SLC35F4: variants seen among roughly 807,000 people sequenced by gnomAD.
The protein encoded by SLC35F4 is solute carrier family 35 member F4, also known as chromosome 14 open reading frame 36.
In SLC35F4, 24 loss-of-function variants were observed where a neutral mutation model predicts 44.2. That is an observed-to-expected ratio of 0.54 (90% CI 0.39 to 0.76). SLC35F4 has a LOEUF of 0.76. SLC35F4 is among the 30% of genes least tolerant of loss of function. The pLI, the probability that SLC35F4 is intolerant of heterozygous loss-of-function variation, is 0.00. For missense variants in SLC35F4, 562 were observed against 586.1 expected (o/e 0.96, Z 0.42); for synonymous variants, 238 against 223.6 (o/e 1.06, Z -0.57).
intron 1 of SLC35F4, among the ~76,000 whole-genome samples, chr14:57,776,323 G>C (rs1232814258): frequency 6.6e-6 from 1 of 152,024 alleles, no homozygotes; most frequent in Non-Finnish European, 1.5e-5. Context: ...TTTACAAGAA[G>C]ATCATCCCCA....
chr14:57,940,169 C>G (rs1889890588), intron 1 of SLC35F4, among the ~76,000 whole-genome samples: 1 of 152,116 alleles, frequency 6.6e-6, no homozygotes, highest in South Asian at 2.1e-4. Context: ...TCTACAGACA[C>G]CCCAGGGTCA....
chr14:57,905,396 A>G (rs1014976532), intron 1 of SLC35F4, among the ~76,000 whole-genome samples: 1 of 152,204 alleles, frequency 6.6e-6, no homozygotes, highest in Non-Finnish European at 1.5e-5. Context: ...TCTATCAGTC[A>G]TAAAGGTCAA....
Position 57,753,613 on chromosome 14 carries a change from G to A in SLC35F4, c.103+112110C>T, listed in dbSNP as rs553307387. On this transcript the variant is annotated intron_variant, in intron 1 of 7. Coordinates refer to ENST00000556826, the MANE Select transcript of SLC35F4 (RefSeq NM_001306087.2). The stretch of plus-strand genomic sequence containing the variant: ...TTTCCCACAACTCTCAAACTTCAGG[G>A]AAACCATGTAAAACTCCCCCTACCC... Among the ~76,000 whole-genome samples the A allele has an allele frequency of 3.9e-5, 6 of 152,218 alleles. No homozygotes were observed. In the East Asian group the frequency reaches 9.6e-4, roughly 24 times the overall value.
chr14:57,730,105 G>A (rs771789191), intron 1 of SLC35F4, among the ~76,000 whole-genome samples: 15 of 152,176 alleles, frequency 9.9e-5, no homozygotes, highest in Non-Finnish European at 2.1e-4. Flanking sequence ...GGGTAGTGCT[G>A]GTGATTCAAG....
intron 1 of SLC35F4, among the ~76,000 whole-genome samples, chr14:57,672,901 T>G (rs866095006): frequency 6.6e-6 from 1 of 151,474 alleles, no homozygotes; most frequent in South Asian, 2.1e-4. Flanking sequence ...TATTTGTTTG[T>G]TTTTTGTTTT....
Position 57,566,511 on chromosome 14 carries a change from A to G in SLC35F4, c.1180T>C (p.Ser394Pro). ...GVVLTYPILI[S>P]IGTVLSVPGN... ...GGAACGCTGAGCACTGTCCCAATGG[A>G]GATTAGGATTGGGTATGTCAGCACC... Residue 394 changes from serine (S) to proline (P), a missense_variant, in exon 7 of 8, where the codon TCC becomes CCC. Coordinates refer to ENST00000556826, the MANE Select transcript of SLC35F4 (RefSeq NM_001306087.2). The G allele has an allele frequency of 6.2e-7, 1 of 1,601,456 alleles. No individual in the cohort carries two copies. The highest frequency in any genetic ancestry group is 8.5e-7 in the Non-Finnish European group (1 of 1,174,104).
intron 1 of SLC35F4, among the ~76,000 whole-genome samples, chr14:57,645,993 A>C (rs992871619): frequency 3.3e-5 from 5 of 152,128 alleles, no homozygotes; most frequent in African/African-American, 1.2e-4. Context: ...ATGGTGGATA[A>C]GCTTTTTGAT....
chr14:57,589,269 A>C lies in SLC35F4; in HGVS notation c.534T>G (p.Tyr178Ter). Residue 178 changes from tyrosine (Y) to a stop codon, truncating the protein, a stop_gained, in exon 3 of 8, where the codon TAT (tyrosine) becomes TAG (stop). Coordinates refer to ENST00000556826, the MANE Select transcript of SLC35F4 (RefSeq NM_001306087.2). LOFTEE classifies it high-confidence loss of function. ...CTTGAGCAGTGGCTAGATGACCAGA[A>C]TAATAGACTGGGAAAAACATAATGT... ...NWNIMFFPVY[Y>*]SGHLATAQEK... 1.2e-6 allele frequency: 2 copies of C among 1,613,974 alleles called. No individual in the cohort carries two copies. Among genetic ancestry groups the C allele is most frequent in the East Asian group, 4.5e-5 (2 of 44,878 alleles).
At chr14:57,572,100 C>T (rs2068542849) in intron 4 of SLC35F4, 81 bp from the exon 5 acceptor site, 2 of 1,506,640 alleles carry the variant, frequency 1.3e-6, no homozygotes, top group Non-Finnish European at 1.8e-6. Flanking sequence ...TTCCTGAAAG[C>T]TGCTAAGTAC....
chr14:57,720,522 A>G (rs2076057071), intron 1 of SLC35F4, among the ~76,000 whole-genome samples: 2 of 152,122 alleles, frequency 1.3e-5, no homozygotes, highest in South Asian at 4.1e-4. Context: ...TGTTATTGGT[A>G]TAAGGTTCTG....
intron 1 of SLC35F4, among the ~76,000 whole-genome samples, chr14:57,739,372 T>C (rs2076547754): frequency 6.6e-6 from 1 of 152,250 alleles, no homozygotes; most frequent in Non-Finnish European, 1.5e-5. Flanking sequence ...CTCTCTTTTA[T>C]TGACTGCTGG....
chr14:57,584,828 C>T (rs143625004), intron 3 of SLC35F4, among the ~76,000 whole-genome samples: 1 of 151,974 alleles, frequency 6.6e-6, no homozygotes, highest in Non-Finnish European at 1.5e-5. Flanking sequence ...TTATATAAAA[C>T]TTTTGTTGTT....
chr14:57,774,749 C>G (rs558905027), intron 1 of SLC35F4, among the ~76,000 whole-genome samples: 2 of 152,338 alleles, frequency 1.3e-5, no homozygotes, highest in African/African-American at 2.4e-5. Flanking sequence ...CTCACCAGCC[C>G]ACCTGCTCCC....
chr14:57,568,644 C>A (rs1045232703), intron 6 of SLC35F4, among the ~76,000 whole-genome samples: 1 of 152,084 alleles, frequency 6.6e-6, no homozygotes, highest in African/African-American at 2.4e-5. Context: ...GCTGAGCCAG[C>A]ATAGAAAAAG....
Position 57,755,346 on chromosome 14 carries a change from C to T in SLC35F4, c.103+110377G>A, listed in dbSNP as rs1287516350. Reference sequence around the variant, plus strand: ...TCTGCCAGGACAAATTCCCATGAGCCCCACTCCTGTCATAACCCAGAGAGT... The same window carrying T: ...TCTGCCAGGACAAATTCCCATGAGCTCCACTCCTGTCATAACCCAGAGAGT... On this transcript the variant is annotated intron_variant, in intron 1 of 7. Coordinates refer to ENST00000556826, the MANE Select transcript of SLC35F4 (RefSeq NM_001306087.2). Among the ~76,000 whole-genome samples, 3 of 152,096 alleles carry T rather than the reference C, an allele frequency of 2.0e-5. No homozygotes were observed. In the East Asian group the frequency reaches 5.8e-4, roughly 29 times the overall value.
intron 1 of SLC35F4, among the ~76,000 whole-genome samples, chr14:57,832,370 G>C (rs10148360): frequency 0.42 from 64,034 of 151,980 alleles, 14,730 homozygotes; most frequent in African/African-American, 0.6. Flanking sequence ...TAAGTAGCTT[G>C]TCCAAAGTCA....
chr14:57,596,732 TA>T, intron 1 of SLC35F4: 1 of 1,302,210 alleles, frequency 7.7e-7, no homozygotes, highest in Non-Finnish European at 1.0e-6. Context: ...GTTGAATGTA[TA>T]AGCCACACCA....
chr14:57,727,221 G>A (rs923995786), intron 1 of SLC35F4, among the ~76,000 whole-genome samples: 4 of 151,674 alleles, frequency 2.6e-5, no homozygotes, highest in Non-Finnish European at 4.4e-5. Context: ...GTATATAGTA[G>A]CCACTAATGA....
chr14:57,640,422 T>G (rs1266071994), intron 1 of SLC35F4, among the ~76,000 whole-genome samples: 2 of 152,042 alleles, frequency 1.3e-5, no homozygotes, highest in Non-Finnish European at 1.5e-5. Flanking sequence ...ACATGAGGCT[T>G]GAACCAATTG....
Sources: gnomAD v4.1 joint callset for allele counts (sites outside exome capture counted in the v4.1 genomes callset) on GRCh38, gnomAD v4.1.1 for gene constraint, MANE v1.5 for transcripts, NCBI Gene and HGNC (gene_info 2026-07-23, HGNC 2026-07-21) for gene names.